TNPO3: variants seen among roughly 807,000 people sequenced by gnomAD.
The protein encoded by TNPO3 is transportin-3.
Under a neutral mutation model 122.8 loss-of-function variants are expected in TNPO3, and 65 were observed. That is an observed-to-expected ratio of 0.53 (90% CI 0.43 to 0.65). The LOEUF is 0.65. TNPO3 is among the 30% of genes least tolerant of loss of function. The pLI, the probability that TNPO3 is intolerant of heterozygous loss-of-function variation, is 0.00. For missense variants in TNPO3, 850 were observed against 1,136.7 expected (o/e 0.75, Z 3.63); for synonymous variants, 372 against 411.2 (o/e 0.90, Z 1.15).
intron 1 of TNPO3, 23 bp from the exon 2 acceptor site, chr7:129,018,180 TG>T: frequency 6.2e-7 from 1 of 1,610,386 alleles, no homozygotes; most frequent in Non-Finnish European, 8.5e-7. Context: ...TAGACAAAGA[TG>T]TCTTAAAGAA....
At chr7:129,014,512 C>T (rs2150423378) in intron 4 of TNPO3, among the ~76,000 whole-genome samples, 1 of 152,028 alleles carries the variant, frequency 6.6e-6, no homozygotes, top group South Asian at 2.1e-4. Context: ...GACAGAGACC[C>T]TGCTTCAAAA....
chr7:128,989,917 A>C, intron 11 of TNPO3, 44 bp downstream of exon 11: 1 of 1,591,190 alleles, frequency 6.3e-7, no homozygotes, highest in Non-Finnish European at 8.6e-7. Context: ...AAAAATCAGA[A>C]AAATGACAAG....
chr7:128,971,483 C>T (rs1156736071), intron 19 of TNPO3, among the ~76,000 whole-genome samples: 2 of 152,300 alleles, frequency 1.3e-5, no homozygotes, highest in East Asian at 1.9e-4. Flanking sequence ...ATTTCTAATA[C>T]CTTGAGAAAA....
rs201151514 is a variant in TNPO3, at chr7:128,992,135, G to T, written c.1267-45C>A. 16 of 1,162,246 alleles carry T rather than the reference G, an allele frequency of 1.4e-5. No homozygotes were observed. The Admixed American group carries it at 3.0e-4, about 22-fold the overall frequency. 72.0% of individuals were successfully genotyped at this position (1,162,246 alleles called of 1,614,324 possible). ...TTATGGATCCATTAAAAGGAAAACA[G>T]AATGCCAAAACAAACAAAACAAAAA... On this transcript the variant is annotated intron_variant, in intron 9 of 22. Transcript: ENST00000265388.
At chr7:129,044,649 A>C (rs1477842820) in intron 1 of TNPO3, among the ~76,000 whole-genome samples, 2 of 152,226 alleles carry the variant, frequency 1.3e-5, no homozygotes, top group South Asian at 4.1e-4. Context: ...ACAGCTGTAA[A>C]AATACTCTCT....
intron 3 of TNPO3, among the ~76,000 whole-genome samples, chr7:129,016,278 C>T (rs1339089556): frequency 6.6e-6 from 1 of 152,044 alleles, no homozygotes; most frequent in Non-Finnish European, 1.5e-5. Context: ...CCTGTAATCT[C>T]AGCCGCCTGG....
At chr7:128,967,131 T>C in intron 21 of TNPO3, 149 bp downstream of exon 21, 1 of 602,890 alleles carries the variant, frequency 1.7e-6, no homozygotes, top group South Asian at 2.0e-5. Context: ...ATGGTGAATG[T>C]TTTCCCACCA....
At chr7:129,036,147 G>C (rs1373730013) in intron 1 of TNPO3, among the ~76,000 whole-genome samples, 1 of 151,886 alleles carries the variant, frequency 6.6e-6, no homozygotes, top group Non-Finnish European at 1.5e-5. Flanking sequence ...AGAGACGGGG[G>C]TTTCACCATA....
chr7:129,020,197 T>A (rs904475636), intron 1 of TNPO3, among the ~76,000 whole-genome samples: 1 of 150,838 alleles, frequency 6.6e-6, no homozygotes, highest in Non-Finnish European at 1.5e-5. Context: ...AAAGTAAGCA[T>A]GAGGTGTTAA....
At chr7:128,974,751 T>G in intron 18 of TNPO3, 117 bp downstream of exon 18, 1 of 832,340 alleles carries the variant, frequency 1.2e-6, no homozygotes, top group Non-Finnish European at 2.0e-6. Flanking sequence ...TATGAATCAT[T>G]AATCTACTTA....
intron 21 of TNPO3, among the ~76,000 whole-genome samples, chr7:128,960,200 C>G (rs904260073): frequency 2.0e-5 from 3 of 152,016 alleles, no homozygotes; most frequent in Admixed American, 1.3e-4. Context: ...TACTGCACTG[C>G]CAGTCATATA....
intron 1 of TNPO3, among the ~76,000 whole-genome samples, chr7:129,023,400 C>T (rs982922756): frequency 4.6e-5 from 7 of 151,344 alleles, no homozygotes; most frequent in Admixed American, 2.0e-4. Flanking sequence ...TATACAATTC[C>T]CTAGCTCTAT....
chr7:129,050,401 A>AAGGG, intron 1 of TNPO3, among the ~76,000 whole-genome samples: 1 of 80,806 alleles, frequency 1.2e-5, no homozygotes, highest in African/African-American at 5.1e-5. Context: ...AAAAAAAAAA[A>AAGGG]GGGTGGGGGG....
intron 21 of TNPO3, among the ~76,000 whole-genome samples, chr7:128,965,008 A>T (rs1797804552): frequency 6.6e-6 from 1 of 152,234 alleles, no homozygotes; most frequent in Non-Finnish European, 1.5e-5. Flanking sequence ...ACCTAGGCGG[A>T]AAACTTCATG....
rs540468770 is a variant in TNPO3, at chr7:129,042,575, C to T, written c.120+12076G>A. Among the ~76,000 whole-genome samples the T allele has an allele frequency of 2.6e-5, 4 of 152,218 alleles. No individual in the cohort carries two copies. The East Asian group carries it at 7.7e-4, about 29-fold the overall frequency. The stretch of plus-strand genomic sequence containing the variant: ...TTTTTTAAGTCATCAACTACCTTAA[C>T]TTCTTTTATCTAATCCTTTATGAGA... On this transcript the variant is annotated intron_variant, in intron 1 of 22. Coordinates refer to ENST00000265388, the MANE Select transcript of TNPO3 (RefSeq NM_012470.4).
rs754381805 is a variant in TNPO3, at chr7:129,054,780, G to T, written c.-10C>A. ...GCTTTGCTCCTTCCATGGTGGTGGC[G>T]GTAGTGGCGGTAGCGACGGCTCTGA... On this transcript the variant is annotated 5_prime_UTR_variant, in exon 1 of 23. Transcript: ENST00000265388. 1.2e-6 allele frequency: 2 copies of T among 1,614,022 alleles called. No individual in the cohort carries two copies. The highest frequency in any genetic ancestry group is 1.7e-6 in the Non-Finnish European group (2 of 1,179,984).
intron 1 of TNPO3, 78 bp from the exon 2 acceptor site, chr7:129,018,235 A>G: frequency 7.1e-7 from 1 of 1,404,614 alleles, no homozygotes; most frequent in Non-Finnish European, 9.7e-7. Flanking sequence ...ATACTTATAT[A>G]AACATATTTA....
At chr7:129,047,882 CCA>C (rs1287270409) in intron 1 of TNPO3, among the ~76,000 whole-genome samples, 1 of 152,174 alleles carries the variant, frequency 6.6e-6, no homozygotes, top group African/African-American at 2.4e-5. Flanking sequence ...AAAAAAACCA[CCA>C]CACACATTAC....
intron 21 of TNPO3, among the ~76,000 whole-genome samples, chr7:128,958,309 A>T (rs191053873): frequency 0.044 from 6,730 of 151,782 alleles, 204 homozygotes; most frequent in Middle Eastern, 0.1. Flanking sequence ...ACGCCCGACT[A>T]TTTTTTTGTA....
Sources: allele counts gnomAD v4.1 joint callset (sites outside exome capture counted in the v4.1 genomes callset), GRCh38; gene constraint gnomAD v4.1.1; transcripts MANE v1.5; gene names NCBI Gene and HGNC (gene_info 2026-07-23, HGNC 2026-07-21).